The following TMEM45A variants were observed in gnomAD, a reference collection of about 807,000 sequenced individuals.
TMEM45A encodes the protein transmembrane protein 45A.
Under a neutral mutation model 32.0 loss-of-function variants are expected in TMEM45A, and 25 were observed. That is an observed-to-expected ratio of 0.78 (90% CI 0.57 to 1.09). The LOEUF (loss-of-function observed/expected upper bound fraction) is 1.09, where lower values mean the gene tolerates loss of function less well. Among genes scored for constraint, TMEM45A ranks in the 50% least tolerant of loss-of-function variants. The pLI, the probability that TMEM45A is intolerant of heterozygous loss-of-function variation, is 0.00. For synonymous variants in TMEM45A, 122 were observed against 114.8 expected, an observed-to-expected ratio of 1.06 and a Z score of -0.40; for missense variants, 302 against 325.0, an observed-to-expected ratio of 0.93 and a Z score of 0.54.
chr3:100,547,767 G>A (rs1706008864), intron 1 of TMEM45A, among the ~76,000 whole-genome samples: 1 of 152,094 alleles, frequency 6.6e-6, no homozygotes, highest in Admixed American at 6.6e-5. Context: ...TATACAATAG[G>A]TGTTCAATGA....
At chr3:100,542,705 T>A (rs549088808) in intron 1 of TMEM45A, among the ~76,000 whole-genome samples, 1 of 152,230 alleles carries the variant, frequency 6.6e-6, no homozygotes, top group East Asian at 1.9e-4. Context: ...TATGCAACCA[T>A]AAAAAGGAAT....
At chr3:100,496,254 T>C (rs142807815) in intron 1 of TMEM45A, among the ~76,000 whole-genome samples, 243 of 152,366 alleles carry the variant, frequency 1.6e-3, no homozygotes, top group African/African-American at 5.7e-3. Context: ...AGATGCCTAT[T>C]TGATACATCT....
At chr3:100,546,947 G>A (rs1576282839) in intron 1 of TMEM45A, among the ~76,000 whole-genome samples, 2 of 152,244 alleles carry the variant, frequency 1.3e-5, no homozygotes, top group African/African-American at 2.4e-5. Context: ...CTATGGCAGA[G>A]ATAATAATAC....
chr3:100,514,073 T>C (rs1373806626), intron 1 of TMEM45A, among the ~76,000 whole-genome samples: 1 of 152,206 alleles, frequency 6.6e-6, no homozygotes, highest in African/African-American at 2.4e-5. Flanking sequence ...ATAGATTCAA[T>C]GCCATCCCTA....
At chr3:100,514,055 G>A (rs1180290063) in intron 1 of TMEM45A, among the ~76,000 whole-genome samples, 1 of 152,136 alleles carries the variant, frequency 6.6e-6, no homozygotes, top group Non-Finnish European at 1.5e-5. Flanking sequence ...TACTGCCCAA[G>A]GTAATTTATA....
chr3:100,516,733 T>C (rs528517090), intron 1 of TMEM45A, among the ~76,000 whole-genome samples: 2 of 152,340 alleles, frequency 1.3e-5, no homozygotes, highest in East Asian at 3.9e-4. Flanking sequence ...GGATTGGAAA[T>C]AGAATTTATA....
At chr3:100,576,358 G>T (rs916009582) in intron 5 of TMEM45A, among the ~76,000 whole-genome samples, 3 of 152,114 alleles carry the variant, frequency 2.0e-5, no homozygotes, top group Admixed American at 1.3e-4. Context: ...GGCTGAGGCA[G>T]AGAATTGCTT....
At chr3:100,569,943 T>C (rs1253461879) in intron 5 of TMEM45A, among the ~76,000 whole-genome samples, 1 of 152,162 alleles carries the variant, frequency 6.6e-6, no homozygotes, top group Non-Finnish European at 1.5e-5. Flanking sequence ...TGAGCAGGAA[T>C]AGAAAGGGGT....
chr3:100,551,937 A>G (rs1481733556), intron 1 of TMEM45A, among the ~76,000 whole-genome samples: 3 of 152,062 alleles, frequency 2.0e-5, no homozygotes, highest in Non-Finnish European at 4.4e-5. Context: ...TCCTTATTAC[A>G]TCCTGATGGA....
At chr3:100,534,404 A>G (rs1705702983) in intron 1 of TMEM45A, among the ~76,000 whole-genome samples, 1 of 152,214 alleles carries the variant, frequency 6.6e-6, no homozygotes, top group Non-Finnish European at 1.5e-5. Context: ...GATCGGACTC[A>G]GAAGAAGGAG....
In TMEM45A at chr3:100,494,617, G is replaced by A. The variant is rs900792007; in HGVS notation, c.-4+1689G>A. Among the ~76,000 whole-genome samples, 13 of 149,656 alleles carry A rather than the reference G, an allele frequency of 8.7e-5. No individual in the cohort carries two copies. In the South Asian group the frequency reaches 1.1e-3, roughly 12 times the overall value. On this transcript the variant is annotated intron_variant, in intron 1 of 5. Transcript: ENST00000323523. ...AGCCATCTCCAGCTCTGGTGACAGA[G>A]TGAGACTCCGTCTAAAAAAAAAAAA...
intron 2 of TMEM45A, among the ~76,000 whole-genome samples, chr3:100,555,722 A>G (rs1293513879): frequency 1.3e-5 from 2 of 152,186 alleles, no homozygotes; most frequent in African/African-American, 2.4e-5. Context: ...TGAAGATTCA[A>G]TGAAAATGTT....
chr3:100,516,029 CA>C (rs2148942952), intron 1 of TMEM45A, among the ~76,000 whole-genome samples: 1 of 152,106 alleles, frequency 6.6e-6, no homozygotes. Flanking sequence ...ATAAATGTTT[CA>C]GGGGTGATAG....
At chr3:100,530,656 C>T (rs1320670017) in intron 1 of TMEM45A, among the ~76,000 whole-genome samples, 1 of 152,052 alleles carries the variant, frequency 6.6e-6, no homozygotes, top group Non-Finnish European at 1.5e-5. Context: ...TAGTATATAT[C>T]TTTATAAAAT....
chr3:100,569,036 T>C (rs1706502460), intron 5 of TMEM45A, 69 bp downstream of exon 5: 1 of 1,488,018 alleles, frequency 6.7e-7, no homozygotes, highest in African/African-American at 1.4e-5. Flanking sequence ...TCAGTGGTAT[T>C]GAATTTAAAA....
chr3:100,541,362 C>T (rs1315411725), intron 1 of TMEM45A, among the ~76,000 whole-genome samples: 3 of 151,866 alleles, frequency 2.0e-5, no homozygotes, highest in African/African-American at 4.8e-5. Flanking sequence ...TTGTTTTTGT[C>T]GCAATTGTTT....
intron 4 of TMEM45A, among the ~76,000 whole-genome samples, chr3:100,566,377 TTAGA>T (rs755761304): frequency 6.6e-6 from 1 of 152,024 alleles, no homozygotes. Context: ...CAATAAAAAA[TTAGA>T]TAGATAGATA....
In TMEM45A at chr3:100,506,463, T is replaced by C. The variant is rs185312309; in HGVS notation, c.-4+13535T>C. Reference sequence around the variant, plus strand: ...AACACACCACTCTCCCTGACTGTCCTGGAGGTGAACTTCCATGCACATTTT... The same window carrying C: ...AACACACCACTCTCCCTGACTGTCCCGGAGGTGAACTTCCATGCACATTTT... On this transcript the variant is annotated intron_variant, in intron 1 of 5. Coordinates refer to ENST00000323523, the MANE Select transcript of TMEM45A (RefSeq NM_018004.3). 6.6e-5 allele frequency among the ~76,000 whole-genome samples: 10 copies of C among 152,340 alleles called. No homozygotes were observed. The East Asian group carries it at 1.9e-3, about 29-fold the overall frequency.
chr3:100,549,379 C>T (rs1165000364), intron 1 of TMEM45A, among the ~76,000 whole-genome samples: 1 of 152,232 alleles, frequency 6.6e-6, no homozygotes, highest in African/African-American at 2.4e-5. Context: ...GCTGCTCTAA[C>T]CATTCCCTTT....
Sources: allele counts gnomAD v4.1 joint callset (sites outside exome capture counted in the v4.1 genomes callset), GRCh38; gene constraint gnomAD v4.1.1; transcripts MANE v1.5; gene names NCBI Gene and HGNC (gene_info 2026-07-23, HGNC 2026-07-21).